Variants in SYT14 observed in about 807,000 individuals in gnomAD.
The protein encoded by SYT14 is synaptotagmin 14.
A neutral mutation model predicts 74.2 loss-of-function variants in SYT14; 32 were observed. That is an observed-to-expected ratio of 0.43 (90% CI 0.33 to 0.58). The LOEUF is 0.58. Among genes scored for constraint, SYT14 ranks in the 20% least tolerant of loss-of-function variants. The pLI is 0.05. For missense variants in SYT14, 791 were observed against 981.8 expected (o/e 0.81, Z 2.60); for synonymous variants, 298 against 337.7 (o/e 0.88, Z 1.29).
chr1:210,070,151 G>A (rs1054979639), intron 5 of SYT14, among the ~76,000 whole-genome samples: 5 of 151,864 alleles, frequency 3.3e-5, no homozygotes, highest in Non-Finnish European at 5.9e-5. Flanking sequence ...AACTTCTCTC[G>A]TTCCGCTCTC....
At chr1:210,021,014 T>G in intron 4 of SYT14, 25 bp from the exon 4 acceptor site, 2 of 1,609,384 alleles carry the variant, frequency 1.2e-6, no homozygotes, top group Non-Finnish European at 8.5e-7. Context: ...CAATTACCGT[T>G]TGTTCTTCAT....
At chr1:210,025,468 GA>G (rs2080390485) in intron 5 of SYT14, among the ~76,000 whole-genome samples, 1 of 152,066 alleles carries the variant, frequency 6.6e-6, no homozygotes, top group African/African-American at 2.4e-5. Context: ...AAGGTAGAAG[GA>G]AAAATATTTT....
At chr1:210,047,952 T>C (rs1024881576) in intron 5 of SYT14, among the ~76,000 whole-genome samples, 1 of 152,184 alleles carries the variant, frequency 6.6e-6, no homozygotes, top group Non-Finnish European at 1.5e-5. Flanking sequence ...TCAGATATTA[T>C]TGGTGCTACT....
chr1:210,058,522 G>C (rs1572227892), intron 5 of SYT14, among the ~76,000 whole-genome samples: 2 of 152,278 alleles, frequency 1.3e-5, no homozygotes, highest in East Asian at 3.9e-4. Flanking sequence ...ACCTAATTAG[G>C]GGATTAGGAG....
intron 2 of SYT14, among the ~76,000 whole-genome samples, chr1:209,970,531 G>A (rs1027570570): frequency 1.3e-5 from 2 of 151,824 alleles, no homozygotes; most frequent in African/African-American, 4.8e-5. Context: ...GCTTAGGATG[G>A]CTTTCACTAT....
intron 5 of SYT14, among the ~76,000 whole-genome samples, chr1:210,024,080 A>G (rs2080359512): frequency 6.6e-6 from 1 of 152,218 alleles, no homozygotes; most frequent in South Asian, 2.1e-4. Flanking sequence ...AGGTGCGTCT[A>G]TACATATACA....
chr1:210,114,936 G>A (rs1558198700), intron 7 of SYT14, among the ~76,000 whole-genome samples: 1 of 151,094 alleles, frequency 6.6e-6, no homozygotes, highest in Non-Finnish European at 1.5e-5. Context: ...GAAAGACTTA[G>A]CAATGCTTAG....
chr1:210,018,878 C>G (rs904663428), intron 4 of SYT14, among the ~76,000 whole-genome samples: 2 of 152,042 alleles, frequency 1.3e-5, no homozygotes, highest in East Asian at 3.9e-4. Context: ...TGGCTCACGC[C>G]TGTAATCCCA....
intron 7 of SYT14, among the ~76,000 whole-genome samples, chr1:210,115,396 A>G (rs1303450539): frequency 6.6e-6 from 1 of 151,198 alleles, no homozygotes; most frequent in Non-Finnish European, 1.5e-5. Flanking sequence ...GCTTGCCACT[A>G]AGGGTGAAGG....
At chr1:210,165,631 A>G (rs940372738) in exon 10 of SYT14, 24 of 152,148 alleles carry the variant, frequency 1.6e-4, no homozygotes, top group South Asian at 8.3e-4. Flanking sequence ...CTGTCCTCTC[A>G]TTGCAATTTA....
intron 2 of SYT14, among the ~76,000 whole-genome samples, chr1:209,997,881 G>A (rs1029506177): frequency 2.0e-5 from 3 of 152,008 alleles, no homozygotes; most frequent in African/African-American, 7.2e-5. Context: ...AATTTTAACG[G>A]TGATTTAACA....
intron 2 of SYT14, among the ~76,000 whole-genome samples, chr1:210,001,116 A>G (rs1347320323): frequency 1.3e-5 from 2 of 152,322 alleles, no homozygotes; most frequent in Admixed American, 6.5e-5. Context: ...AAATAAAACA[A>G]GCAGCTTTGC....
chr1:210,148,251 G>T (rs2083082052), intron 7 of SYT14, among the ~76,000 whole-genome samples: 1 of 152,204 alleles, frequency 6.6e-6, no homozygotes, highest in Non-Finnish European at 1.5e-5. Flanking sequence ...GCTCATGCCT[G>T]TAATCCCAGC....
chr1:210,134,745 A>G (rs1026179010), intron 7 of SYT14, among the ~76,000 whole-genome samples: 1 of 152,178 alleles, frequency 6.6e-6, no homozygotes. Context: ...TGATAAAGCT[A>G]GGAGCCATAA....
chr1:209,953,628 CAGTA>C (rs2078947249), intron 2 of SYT14, among the ~76,000 whole-genome samples: 1 of 152,146 alleles, frequency 6.6e-6, no homozygotes, highest in Admixed American at 6.5e-5. Flanking sequence ...AGCATGTTTT[CAGTA>C]AGTCTTTAAC....
At chr1:210,018,943 C>T (rs2080244358) in intron 4 of SYT14, among the ~76,000 whole-genome samples, 1 of 151,902 alleles carries the variant, frequency 6.6e-6, no homozygotes, top group Non-Finnish European at 1.5e-5. Context: ...CGAGACCATC[C>T]TGGCCAACAT....
intron 2 of SYT14, among the ~76,000 whole-genome samples, chr1:210,000,036 A>G (rs2102873867): frequency 6.6e-6 from 1 of 152,298 alleles, no homozygotes; most frequent in East Asian, 1.9e-4. Flanking sequence ...TGCAAAAATT[A>G]TGTATTAATA....
exon 8 of SYT14, chr1:210,155,841 A>G (rs748613332): frequency 7.4e-6 from 12 of 1,614,036 alleles, no homozygotes; most frequent in African/African-American, 1.3e-5. Flanking sequence ...TAATGCCACA[A>G]CTGGAAGACT....
chr1:210,152,482 A>G (rs965164088), intron 7 of SYT14, among the ~76,000 whole-genome samples: 1 of 152,042 alleles, frequency 6.6e-6, no homozygotes, highest in Non-Finnish European at 1.5e-5. Context: ...AAAGTTCTGT[A>G]TATTTATTTT....
Sources: allele counts gnomAD v4.1 joint callset (sites outside exome capture counted in the v4.1 genomes callset), GRCh38; gene constraint gnomAD v4.1.1; transcripts MANE v1.5; gene names NCBI Gene and HGNC (gene_info 2026-07-23, HGNC 2026-07-21).